RIMS2: variants seen among roughly 807,000 people sequenced by gnomAD.
RIMS2 encodes regulating synaptic membrane exocytosis protein 2.
A neutral mutation model predicts 174.4 loss-of-function variants in RIMS2; 59 were observed. That is an observed-to-expected ratio of 0.34 (90% CI 0.27 to 0.42). RIMS2 has a LOEUF of 0.42. Among genes scored for constraint, RIMS2 ranks in the 10% least tolerant of loss-of-function variants. The pLI is 1.00. For missense variants in RIMS2, 1,620 were observed against 1,666.3 expected, an observed-to-expected ratio of 0.97 and a Z score of 0.48; for synonymous variants, 606 against 572.5, an observed-to-expected ratio of 1.06 and a Z score of -0.84.
At chr8:104,155,159 T>G (rs1038589813) in intron 19 of RIMS2, among the ~76,000 whole-genome samples, 10 of 152,212 alleles carry the variant, frequency 6.6e-5, no homozygotes, top group African/African-American at 1.4e-4. Flanking sequence ...CAGGCTGGGG[T>G]GCAGTAGTGC....
chr8:103,618,943 CT>C (rs2095567721), intron 1 of RIMS2, among the ~76,000 whole-genome samples: 1 of 152,032 alleles, frequency 6.6e-6, no homozygotes, highest in South Asian at 2.1e-4. Context: ...AGGAACTTGT[CT>C]GTAGAACAGA....
intron 1 of RIMS2, among the ~76,000 whole-genome samples, chr8:103,562,318 G>A (rs2091719597): frequency 6.6e-6 from 1 of 152,238 alleles, no homozygotes; most frequent in Non-Finnish European, 1.5e-5. Context: ...CCTAGATACA[G>A]TGGGAGTACA....
At chr8:104,210,771 C>G (rs558065203) in intron 19 of RIMS2, among the ~76,000 whole-genome samples, 1 of 152,100 alleles carries the variant, frequency 6.6e-6, no homozygotes, top group South Asian at 2.1e-4. Flanking sequence ...AGTTATATTT[C>G]TTTCACAGAA....
chr8:104,029,844 G>C (rs1046166473), intron 19 of RIMS2, among the ~76,000 whole-genome samples: 1 of 152,130 alleles, frequency 6.6e-6, no homozygotes, highest in African/African-American at 2.4e-5. Context: ...TGTAACACTT[G>C]TAAAATCTTT....
chr8:103,818,472 G>C (rs1207149441), intron 3 of RIMS2, among the ~76,000 whole-genome samples: 1 of 152,074 alleles, frequency 6.6e-6, no homozygotes, highest in Admixed American at 6.5e-5. Flanking sequence ...ATGATGATGG[G>C]GTGGCTTTCC....
At chr8:104,134,298 C>T (rs1263715448) in intron 19 of RIMS2, among the ~76,000 whole-genome samples, 1 of 152,056 alleles carries the variant, frequency 6.6e-6, no homozygotes, top group African/African-American at 2.4e-5. Flanking sequence ...GATCTCATCT[C>T]TACTAAAAAT....
At chr8:103,598,416 GAAAT>G (rs1478543937) in intron 1 of RIMS2, among the ~76,000 whole-genome samples, 1 of 152,146 alleles carries the variant, frequency 6.6e-6, no homozygotes, top group Non-Finnish European at 1.5e-5. Flanking sequence ...TCAAGATACT[GAAAT>G]AAATCCTTAT....
At chr8:103,563,359 T>C (rs1454296144) in intron 1 of RIMS2, among the ~76,000 whole-genome samples, 1 of 152,144 alleles carries the variant, frequency 6.6e-6, no homozygotes, top group African/African-American at 2.4e-5. Flanking sequence ...CCCTAAATCA[T>C]CTCTCTCAAG....
chr8:103,678,944 ACT>A (rs2096847037), intron 1 of RIMS2, among the ~76,000 whole-genome samples: 1 of 152,032 alleles, frequency 6.6e-6, no homozygotes, highest in Non-Finnish European at 1.5e-5. Flanking sequence ...AGGTGGGAAG[ACT>A]CAACACTGTG....
At chr8:104,108,066 C>T (rs950419841) in intron 19 of RIMS2, among the ~76,000 whole-genome samples, 1 of 147,964 alleles carries the variant, frequency 6.8e-6, no homozygotes, top group African/African-American at 2.5e-5. Flanking sequence ...CATTTAGGAA[C>T]AATTTGGTTG....
chr8:103,708,545 G>A (rs1466478490), intron 2 of RIMS2, among the ~76,000 whole-genome samples: 1 of 151,966 alleles, frequency 6.6e-6, no homozygotes, highest in African/African-American at 2.4e-5. Context: ...CAAAGTTGAT[G>A]TTCTTGCCAG....
intron 15 of RIMS2, among the ~76,000 whole-genome samples, chr8:103,961,795 T>C (rs1235244347): frequency 1.3e-5 from 2 of 152,160 alleles, no homozygotes; most frequent in African/African-American, 4.8e-5. Context: ...CTAAACAAAA[T>C]GTATGCAAGG....
intron 16 of RIMS2, among the ~76,000 whole-genome samples, chr8:103,986,133 T>G (rs966639377): frequency 6.6e-6 from 1 of 152,198 alleles, no homozygotes; most frequent in African/African-American, 2.4e-5. Context: ...GTACAAATGT[T>G]AAATAGCTTG....
intron 1 of RIMS2, among the ~76,000 whole-genome samples, chr8:103,589,218 C>A (rs2094128001): frequency 6.6e-6 from 1 of 151,548 alleles, no homozygotes; most frequent in African/African-American, 2.4e-5. Flanking sequence ...ATATAAGGAG[C>A]TCAAATAACT....
intron 3 of RIMS2, among the ~76,000 whole-genome samples, chr8:103,780,485 C>T (rs888404592): frequency 1.1e-4 from 16 of 152,102 alleles, no homozygotes; most frequent in Admixed American, 8.5e-4. Context: ...TGTCTTCAAG[C>T]TCTCCGATTC....
At chr8:104,038,457 G>A (rs1327119355) in intron 19 of RIMS2, among the ~76,000 whole-genome samples, 1 of 151,820 alleles carries the variant, frequency 6.6e-6, no homozygotes, top group Non-Finnish European at 1.5e-5. Context: ...AGTTGGGTTT[G>A]TTAGTTATAG....
intron 2 of RIMS2, among the ~76,000 whole-genome samples, chr8:103,737,919 T>A (rs756329087): frequency 1.3e-5 from 2 of 152,196 alleles, no homozygotes; most frequent in Non-Finnish European, 1.5e-5. Flanking sequence ...CACTCTGATT[T>A]TTCTTGAAAG....
chr8:104,237,614 A>G (rs1171067919), intron 19 of RIMS2, among the ~76,000 whole-genome samples: 1 of 152,198 alleles, frequency 6.6e-6, no homozygotes, highest in Non-Finnish European at 1.5e-5. Flanking sequence ...ACCATGCTGT[A>G]GCTACTAGAT....
At chr8:103,933,404 T>TTAACC (rs1489493638) in intron 12 of RIMS2, among the ~76,000 whole-genome samples, 5 of 151,970 alleles carry the variant, frequency 3.3e-5, no homozygotes, top group Non-Finnish European at 5.9e-5. Flanking sequence ...GAGAATTGCT[T>TTAACC]TAACCTGCGA....
Sources: allele counts gnomAD v4.1 joint callset (sites outside exome capture counted in the v4.1 genomes callset), GRCh38; gene constraint gnomAD v4.1.1; transcripts MANE v1.5; gene names NCBI Gene and HGNC (gene_info 2026-07-23, HGNC 2026-07-21).